Variants in NEK1 observed in about 807,000 individuals in gnomAD.
NEK1 encodes the protein serine/threonine-protein kinase Nek1.
In NEK1, 137 loss-of-function variants were observed where a neutral mutation model predicts 182.1. That is an observed-to-expected ratio of 0.75 (90% confidence interval 0.65 to 0.87). The LOEUF is 0.87. Among genes scored for constraint, NEK1 ranks in the 40% least tolerant of loss-of-function variants. The pLI is 0.00. For synonymous variants in NEK1, 513 were observed against 492.2 expected (o/e 1.04, Z -0.56); for missense variants, 1,391 against 1,494.4 (o/e 0.93, Z 1.14).
chr4:169,446,993 G>A (rs906102867), intron 27 of NEK1, among the ~76,000 whole-genome samples: 1 of 143,312 alleles, frequency 7.0e-6, no homozygotes, highest in African/African-American at 2.9e-5. Flanking sequence ...GTTGTAACGA[G>A]GAAGTAGAGA....
chr4:169,420,929 T>A (rs1735383930), intron 31 of NEK1, among the ~76,000 whole-genome samples: 1 of 152,208 alleles, frequency 6.6e-6, no homozygotes, highest in African/African-American at 2.4e-5. Flanking sequence ...ATTGTTAGAC[T>A]TGTTAAAAAC....
At chr4:169,609,425 T>C (rs1199517559) in intron 2 of NEK1, among the ~76,000 whole-genome samples, 2 of 152,226 alleles carry the variant, frequency 1.3e-5, no homozygotes, top group African/African-American at 2.4e-5. Context: ...CTGTTTCTAA[T>C]AGAGCAAAAT....
At chr4:169,409,466 T>C (rs1298472278) in intron 31 of NEK1, among the ~76,000 whole-genome samples, 3 of 151,552 alleles carry the variant, frequency 2.0e-5, no homozygotes. Context: ...TTGGACTTCT[T>C]AATTATGGCC....
intron 18 of NEK1, among the ~76,000 whole-genome samples, chr4:169,540,949 C>T (rs375292294): frequency 1.3e-5 from 2 of 151,686 alleles, no homozygotes; most frequent in Non-Finnish European, 1.5e-5. Context: ...ATTGTAAACA[C>T]ATGAATAAGC....
chr4:169,590,595 TAGGATAAAA>T, intron 6 of NEK1, 122 bp downstream of exon 6: 1 of 577,070 alleles, frequency 1.7e-6, no homozygotes. Flanking sequence ...TGCAGATGAA[TAGGATAAAA>T]AGGAAGAGAC....
Position 169,599,099 on chromosome 4 carries a change from C to A in NEK1, c.312+1G>T. The A allele has an allele frequency of 6.2e-7, 1 of 1,611,410 alleles. No homozygotes were observed. The highest frequency in any genetic ancestry group is 8.5e-7 in the Non-Finnish European group (1 of 1,178,250). ...AGTCAATTTCCTAAATGCAAACTTA[C>A]CTGATCCTCTTGAAACAAAACGCCT... On this transcript the variant is annotated splice_donor_variant, in intron 5 of 35. Coordinates refer to ENST00000507142, the MANE Select transcript of NEK1 (RefSeq NM_001199397.3). LOFTEE classifies it high-confidence loss of function.
intron 26 of NEK1, among the ~76,000 whole-genome samples, chr4:169,465,535 A>G (rs1291755787): frequency 6.6e-6 from 1 of 152,138 alleles, no homozygotes; most frequent in African/African-American, 2.4e-5. Flanking sequence ...AGTACTGATC[A>G]GCATATCAGT....
chr4:169,472,815 T>C (rs950548000), intron 26 of NEK1, among the ~76,000 whole-genome samples: 2 of 152,204 alleles, frequency 1.3e-5, no homozygotes, highest in Non-Finnish European at 2.9e-5. Context: ...TGACGGAGCA[T>C]AAACATGCAG....
intron 23 of NEK1, among the ~76,000 whole-genome samples, chr4:169,480,093 C>A (rs1747706188): frequency 6.6e-6 from 1 of 152,022 alleles, no homozygotes; most frequent in Non-Finnish European, 1.5e-5. Context: ...ATTATGAAAC[C>A]TGAATTAATA....
intron 23 of NEK1, among the ~76,000 whole-genome samples, chr4:169,502,494 AG>A (rs1752577130): frequency 6.6e-6 from 1 of 152,090 alleles, no homozygotes; most frequent in Non-Finnish European, 1.5e-5. Flanking sequence ...ATAAAATATT[AG>A]CAAACTAAAT....
At chr4:169,507,919 T>C (rs1204437806) in intron 21 of NEK1, 127 bp from the exon 22 acceptor site, 4 of 748,138 alleles carry the variant, frequency 5.3e-6, no homozygotes, top group Non-Finnish European at 8.7e-6. Context: ...TTAATGCTGT[T>C]AGTTTTCTCC....
At chr4:169,463,724 T>C (rs1744412700) in intron 26 of NEK1, among the ~76,000 whole-genome samples, 2 of 152,170 alleles carry the variant, frequency 1.3e-5, no homozygotes, top group Admixed American at 6.5e-5. Context: ...ATTTTGAATT[T>C]TTTTCAGACT....
At chr4:169,404,459 G>A (rs1306955910) in intron 32 of NEK1, among the ~76,000 whole-genome samples, 2 of 152,242 alleles carry the variant, frequency 1.3e-5, no homozygotes, top group East Asian at 1.9e-4. Context: ...CAGCGGCATC[G>A]ATCCTACGTA....
At chr4:169,430,449 T>C (rs911379998) in intron 29 of NEK1, among the ~76,000 whole-genome samples, 1 of 152,108 alleles carries the variant, frequency 6.6e-6, no homozygotes, top group Non-Finnish European at 1.5e-5. Flanking sequence ...CCTCTCAAAG[T>C]GCTGGGATTA....
chr4:169,473,652 A>G (rs1288456300), intron 26 of NEK1, among the ~76,000 whole-genome samples: 1 of 152,130 alleles, frequency 6.6e-6, no homozygotes, highest in Non-Finnish European at 1.5e-5. Context: ...TGGGGAGCCA[A>G]AGTGGGTGGG....
At chr4:169,442,034 C>A (rs534232328) in intron 27 of NEK1, among the ~76,000 whole-genome samples, 2 of 152,268 alleles carry the variant, frequency 1.3e-5, no homozygotes, top group African/African-American at 4.8e-5. Context: ...AGTTCACCAC[C>A]ACCACTGCTG....
In NEK1 at chr4:169,494,246, C is replaced by A. The variant is rs534637807; in HGVS notation, c.2007+12791G>T. Among the ~76,000 whole-genome samples, 161 of 152,254 alleles carry A rather than the reference C, an allele frequency of 1.1e-3. 5 individuals carry two copies. Among genetic ancestry groups the A allele is most frequent in the Middle Eastern group, 0.01 (3 of 294 alleles). On this transcript the variant is annotated intron_variant, in intron 23 of 35. Transcript: ENST00000507142. ...TATATCTCCTAATGCTATCCCTCCC[C>A]ACTACCCCCACCCCACAACAGGCCC...
chr4:169,561,482 T>C lies in NEK1; in HGVS notation c.1264A>G (p.Lys422Glu). 2 of 1,613,468 alleles carry C rather than the reference T, an allele frequency of 1.2e-6. No homozygotes were observed. The highest frequency in any genetic ancestry group is 1.7e-6 in the Non-Finnish European group (2 of 1,179,556). Residue 422 changes from lysine (K) to glutamate (E), a missense_variant and splice_region_variant, in exon 16 of 36, where the codon AAG (lysine) becomes GAG (glutamate). Around this residue, in one of 5 missense-constraint regions of NEK1, gnomAD observed 1,216 missense variants for 1,277.6 expected, o/e 0.95. Coordinates refer to ENST00000507142, the MANE Select transcript of NEK1 (RefSeq NM_001199397.3). Reference protein sequence around the residue: ...VLSAGGSGEVKAPFLGSGGTI... With the variant: ...VLSAGGSGEVEAPFLGSGGTI... The stretch of plus-strand genomic sequence containing the variant: ...CCATATTGGTATAAAATGCCTACCT[T>C]TACTTCACCACTTCCACCAGCACTT...
At chr4:169,532,615 C>T (rs1158257363) in intron 19 of NEK1, among the ~76,000 whole-genome samples, 1 of 151,950 alleles carries the variant, frequency 6.6e-6, no homozygotes, top group Admixed American at 6.6e-5. Flanking sequence ...TCAATTTTGC[C>T]ACAAACCTAA....
Sources: gnomAD v4.1 joint callset for allele counts (sites outside exome capture counted in the v4.1 genomes callset) on GRCh38, gnomAD v4.1.1 for gene constraint, gnomAD v4.1.1 regional missense constraint, MANE v1.5 for transcripts, NCBI Gene and HGNC (gene_info 2026-07-23, HGNC 2026-07-21) for gene names.